Variants in DCC observed in about 807,000 individuals in gnomAD.
The protein encoded by DCC is DCC netrin 1 receptor, also known as netrin receptor DCC.
In DCC, 58 loss-of-function variants were observed where a neutral mutation model predicts 172.5. That is an observed-to-expected ratio of 0.34 (90% confidence interval 0.27 to 0.42). DCC has a LOEUF of 0.42. Ranked by LOEUF, DCC falls within the 10% of genes least tolerant of loss-of-function variation. The probability of loss-of-function intolerance (pLI) is 1.00; values close to 1 mark genes in which losing one functional copy is unlikely to be tolerated. For missense variants in DCC, 1,740 were observed against 1,791.0 expected, an observed-to-expected ratio of 0.97 and a Z score of 0.51; for synonymous variants, 709 against 644.5, an observed-to-expected ratio of 1.10 and a Z score of -1.52.
chr18:53,324,241 T>C (rs1388065996), intron 14 of DCC, among the ~76,000 whole-genome samples: 1 of 152,204 alleles, frequency 6.6e-6, no homozygotes, highest in African/African-American at 2.4e-5. Context: ...AATTGAAAAG[T>C]TGTGGAGCTA....
At position 53,508,485 on chromosome 18, in the gene DCC, G is replaced by A. The variant is rs539679678; in HGVS notation, c.4111+8975G>A. The stretch of plus-strand genomic sequence containing the variant: ...TAGGATTACAGGCATGAGCCACCGC[G>A]CCTGGCTAAGACTGCATTTTTTTAA... On this transcript the variant is annotated intron_variant, in intron 27 of 28. Coordinates refer to ENST00000442544, the MANE Select transcript of DCC (RefSeq NM_005215.4). 1.4e-4 allele frequency among the ~76,000 whole-genome samples: 22 copies of A among 152,296 alleles called. No homozygotes were observed. In the South Asian group the frequency reaches 2.7e-3, roughly 19 times the overall value.
chr18:52,738,616 A>G (rs2036765116), intron 1 of DCC, among the ~76,000 whole-genome samples: 1 of 152,212 alleles, frequency 6.6e-6, no homozygotes, highest in African/African-American at 2.4e-5. Context: ...TATAGACTTC[A>G]TAAACACTGT....
chr18:52,636,932 C>G lies in DCC; in HGVS notation c.92-115122C>G, dbSNP rs529798617. 9.8e-5 allele frequency among the ~76,000 whole-genome samples: 15 copies of G among 152,300 alleles called. No individual in the cohort carries two copies. The South Asian group carries it at 3.1e-3, about 32-fold the overall frequency. ...TCACTGAGTCCTGCACCCCCGCCAC[C>G]TCCACCGGAACAGGCACTGGTTCCA... On this transcript the variant is annotated intron_variant, in intron 1 of 28. Transcript: ENST00000442544.
At chr18:52,981,668 A>G (rs2041211854) in intron 5 of DCC, among the ~76,000 whole-genome samples, 1 of 152,196 alleles carries the variant, frequency 6.6e-6, no homozygotes, top group South Asian at 2.1e-4. Context: ...TACGCAATCA[A>G]TAATATTTTT....
rs148352173 is a variant in DCC, at chr18:53,187,085, A to G, written c.1573+7969A>G. 1.4e-3 allele frequency among the ~76,000 whole-genome samples: 215 copies of G among 151,788 alleles called. 1 individual carries two copies. The highest frequency in any genetic ancestry group is 4.7e-4 in the Non-Finnish European group (32 of 67,948). Reference sequence around the variant, plus strand: ...ATGAAATTTTGGAGGGGACACAAACATTCAAAGAAGTGGAATCAAATTTAC... The same window carrying G: ...ATGAAATTTTGGAGGGGACACAAACGTTCAAAGAAGTGGAATCAAATTTAC... On this transcript the variant is annotated intron_variant, in intron 9 of 28. Coordinates refer to ENST00000442544, the MANE Select transcript of DCC (RefSeq NM_005215.4).
chr18:52,595,871 G>A (rs568059018), intron 1 of DCC, among the ~76,000 whole-genome samples: 55 of 152,158 alleles, frequency 3.6e-4, no homozygotes, highest in Non-Finnish European at 7.3e-4. Flanking sequence ...GGTGGCAGAT[G>A]CCAGACCAAA....
intron 2 of DCC, among the ~76,000 whole-genome samples, chr18:52,828,022 C>A (rs1434900614): frequency 1.3e-5 from 2 of 152,010 alleles, no homozygotes; most frequent in Non-Finnish European, 2.9e-5. Flanking sequence ...ACAGAGGTCA[C>A]ACAAATTAGG....
At chr18:52,650,540 T>C (rs1312356961) in intron 1 of DCC, among the ~76,000 whole-genome samples, 1 of 152,156 alleles carries the variant, frequency 6.6e-6, no homozygotes, top group Non-Finnish European at 1.5e-5. Flanking sequence ...TTTTGTCTGT[T>C]TGTTTGTTTT....
intron 12 of DCC, among the ~76,000 whole-genome samples, chr18:53,248,548 T>C (rs1178420752): frequency 1.3e-5 from 2 of 152,018 alleles, no homozygotes; most frequent in Non-Finnish European, 2.9e-5. Context: ...ACAATCCTTC[T>C]CCATAGGAGA....
rs148593005 is a variant in DCC at position 53,456,037 on chromosome 18, A to G, written c.3393-3195A>G. On this transcript the variant is annotated intron_variant, in intron 23 of 28. Coordinates refer to ENST00000442544, the MANE Select transcript of DCC (RefSeq NM_005215.4). Reference sequence around the variant, plus strand: ...CCACTTTCACTGAAGGAACTGAATTATCACAAAGGGAGCAGCTGGACAGCT... The same window carrying G: ...CCACTTTCACTGAAGGAACTGAATTGTCACAAAGGGAGCAGCTGGACAGCT... 9.3e-3 allele frequency among the ~76,000 whole-genome samples: 1,424 copies of G among 152,352 alleles called. 24 individuals carry two copies. Among genetic ancestry groups the G allele is most frequent in the Admixed American group, 0.027 (420 of 15,302 alleles).
intron 1 of DCC, among the ~76,000 whole-genome samples, chr18:52,401,130 C>T (rs183397117): frequency 3.7e-4 from 56 of 151,912 alleles, no homozygotes. Flanking sequence ...AATAATAATG[C>T]ATGTAACTCA....
chr18:52,964,187 G>A (rs1026312437), intron 5 of DCC, among the ~76,000 whole-genome samples: 1 of 151,994 alleles, frequency 6.6e-6, no homozygotes, highest in African/African-American at 2.4e-5. Flanking sequence ...AAGGAGACTT[G>A]GAAAGAAGAC....
At chr18:53,170,813 C>G (rs9807382) in intron 8 of DCC, among the ~76,000 whole-genome samples, 6,107 of 152,190 alleles carry the variant, frequency 0.04, 382 homozygotes, top group African/African-American at 0.14. Context: ...AAACAGCCCC[C>G]CTGACTTACC....
intron 13 of DCC, among the ~76,000 whole-genome samples, chr18:53,315,984 T>A (rs1280817373): frequency 6.6e-6 from 1 of 152,214 alleles, no homozygotes; most frequent in African/African-American, 2.4e-5. Flanking sequence ...AGCTCCCATT[T>A]GTCAATTTTG....
At chr18:53,043,447 C>T (rs1024664531) in intron 5 of DCC, among the ~76,000 whole-genome samples, 1 of 151,878 alleles carries the variant, frequency 6.6e-6, no homozygotes, top group African/African-American at 2.4e-5. Flanking sequence ...TATCCCAGAA[C>T]TTAAAATATA....
chr18:52,445,048 G>T (rs1053492809), intron 1 of DCC, among the ~76,000 whole-genome samples: 1 of 151,980 alleles, frequency 6.6e-6, no homozygotes, highest in Non-Finnish European at 1.5e-5. Flanking sequence ...TAGTGGGGGT[G>T]GGACATGCAA....
At chr18:52,414,682 G>T (rs1986957878) in intron 1 of DCC, among the ~76,000 whole-genome samples, 1 of 152,186 alleles carries the variant, frequency 6.6e-6, no homozygotes, top group African/African-American at 2.4e-5. Flanking sequence ...GCAAGGTGGA[G>T]AATATTTGTA....
intron 15 of DCC, among the ~76,000 whole-genome samples, chr18:53,351,464 GTGTA>G (rs1214539017): frequency 0.045 from 1,475 of 33,092 alleles, 109 homozygotes; most frequent in Non-Finnish European, 0.062. Context: ...TATACACAGT[GTGTA>G]TATATATATA....
chr18:53,136,735 G>C (rs775008621), intron 7 of DCC, among the ~76,000 whole-genome samples: 1 of 152,148 alleles, frequency 6.6e-6, no homozygotes, highest in Non-Finnish European at 1.5e-5. Flanking sequence ...TCATCAAATT[G>C]TGTATGGGCA....
Sources: gnomAD v4.1 joint callset for allele counts (sites outside exome capture counted in the v4.1 genomes callset) on GRCh38, gnomAD v4.1.1 for gene constraint, MANE v1.5 for transcripts, NCBI Gene and HGNC (gene_info 2026-07-23, HGNC 2026-07-21) for gene names.